Variants in GALNT13 observed in about 807,000 individuals in gnomAD.
GALNT13 encodes the protein UDP-GalNAc:polypeptide N-acetylgalactosaminyltransferase 13.
Under a neutral mutation model 64.2 loss-of-function variants are expected in GALNT13, and 28 were observed. The observed-to-expected ratio is 0.44, with a 90% confidence interval of 0.32 to 0.60. The LOEUF (loss-of-function observed/expected upper bound fraction) is 0.60, where lower values mean the gene tolerates loss of function less well. Among genes scored for constraint, GALNT13 ranks in the 20% least tolerant of loss-of-function variants. The pLI, the probability that GALNT13 is intolerant of heterozygous loss-of-function variation, is 0.05. For missense variants in GALNT13, 577 were observed against 669.8 expected, an observed-to-expected ratio of 0.86 and a Z score of 1.53; for synonymous variants, 214 against 224.6, an observed-to-expected ratio of 0.95 and a Z score of 0.42.
At chr2:153,504,744 A>G in the GALNT13 span, among the ~76,000 whole-genome samples, 1 of 152,146 alleles carries the variant, frequency 6.6e-6, no homozygotes, top group Non-Finnish European at 1.5e-5. Flanking sequence ...CCACTTGATA[A>G]TGATGGATTC....
chr2:154,081,663 A>G (rs760606115), intron 3 of GALNT13, among the ~76,000 whole-genome samples: 4 of 151,742 alleles, frequency 2.6e-5, no homozygotes, highest in Non-Finnish European at 4.4e-5. Flanking sequence ...AGCGCAATAT[A>G]TTCCCCCATA....
the GALNT13 span, among the ~76,000 whole-genome samples, chr2:153,765,438 C>T: frequency 1.0e-3 from 153 of 152,244 alleles, no homozygotes; most frequent in Middle Eastern, 3.4e-3. Flanking sequence ...ACCTGTAGCC[C>T]CTTCATTTTG....
chr2:153,269,287 A>G, the GALNT13 span, among the ~76,000 whole-genome samples: 1 of 152,146 alleles, frequency 6.6e-6, no homozygotes, highest in African/African-American at 2.4e-5. Flanking sequence ...GCTGCTTAGA[A>G]ATTTCTTCCT....
the GALNT13 span, among the ~76,000 whole-genome samples, chr2:153,353,511 A>G: frequency 3.9e-5 from 6 of 152,024 alleles, no homozygotes; most frequent in African/African-American, 1.4e-4. Flanking sequence ...GAGATGACAC[A>G]TGTTTGCCTT....
At chr2:154,429,912 G>A (rs574376913) in intron 11 of GALNT13, among the ~76,000 whole-genome samples, 1 of 152,188 alleles carries the variant, frequency 6.6e-6, no homozygotes, top group African/African-American at 2.4e-5. Context: ...GAACAACAAG[G>A]CCTGGATTAT....
At chr2:153,838,993 C>T in the GALNT13 span, among the ~76,000 whole-genome samples, 1 of 151,404 alleles carries the variant, frequency 6.6e-6, no homozygotes, top group African/African-American at 2.4e-5. Flanking sequence ...TCTTTCATCT[C>T]TTTGGTTACA....
chr2:153,870,473 T>C (rs1030007163), upstream of GALNT13, among the ~76,000 whole-genome samples: 1 of 151,962 alleles, frequency 6.6e-6, no homozygotes, highest in Admixed American at 6.6e-5. Context: ...AGTGACCTGA[T>C]GTTAGGACTG....
chr2:154,117,395 T>C (rs72871823), intron 3 of GALNT13, among the ~76,000 whole-genome samples: 10,925 of 152,250 alleles, frequency 0.072, 470 homozygotes, highest in Middle Eastern at 0.14. Flanking sequence ...TGAACCCAAT[T>C]TGTAGTCTTT....
intron 9 of GALNT13, among the ~76,000 whole-genome samples, chr2:154,381,826 A>G (rs1698288029): frequency 6.6e-6 from 1 of 152,076 alleles, no homozygotes; most frequent in Non-Finnish European, 1.5e-5. Context: ...ATTGTATTGA[A>G]ATTTTTTCCC....
At chr2:153,625,936 C>G in the GALNT13 span, among the ~76,000 whole-genome samples, 1 of 152,132 alleles carries the variant, frequency 6.6e-6, no homozygotes, top group Middle Eastern at 3.4e-3. Context: ...TTGAGTTGTT[C>G]AAAACTGATC....
At chr2:153,582,757 A>C in the GALNT13 span, among the ~76,000 whole-genome samples, 92 of 152,250 alleles carry the variant, frequency 6.0e-4, no homozygotes, top group African/African-American at 1.9e-3. Flanking sequence ...TTGAAATAAA[A>C]ATTAATGGCC....
At chr2:153,352,074 C>T in the GALNT13 span, among the ~76,000 whole-genome samples, 3 of 152,138 alleles carry the variant, frequency 2.0e-5, no homozygotes, top group African/African-American at 7.2e-5. Context: ...GCATTCCTAC[C>T]AGCAAAGAAT....
At position 154,421,412 on chromosome 2, in the gene GALNT13, A is replaced by G. The variant is rs191563053; in HGVS notation, c.1395+12330A>G. 7.0e-4 allele frequency among the ~76,000 whole-genome samples: 106 copies of G among 152,158 alleles called. 6 individuals carry two copies. Among genetic ancestry groups the G allele is most frequent in the Admixed American group, 6.8e-3 (104 of 15,260 alleles). On this transcript the variant is annotated intron_variant, in intron 11 of 12. Coordinates refer to ENST00000392825, the MANE Select transcript of GALNT13 (RefSeq NM_052917.4). Reference sequence around the variant, plus strand: ...TTAGATATGTCATTTAAAGTTAACTATATATCCCATATATATTTTGCCTTG... The same window carrying G: ...TTAGATATGTCATTTAAAGTTAACTGTATATCCCATATATATTTTGCCTTG...
In GALNT13 at chr2:154,353,616, A is replaced by G. The variant is rs1039785432; in HGVS notation, c.1157-42375A>G. Among the ~76,000 whole-genome samples the G allele has an allele frequency of 2.0e-5, 3 of 152,194 alleles. No homozygotes were observed. In the East Asian group the frequency reaches 5.8e-4, roughly 29 times the overall value. ...CCTGTTAGCCCTAGATTTTTTCTGC[A>G]AGTTTGACCTTTTTATTTTAATTTC... On this transcript the variant is annotated intron_variant, in intron 9 of 12. Coordinates refer to ENST00000392825, the MANE Select transcript of GALNT13 (RefSeq NM_052917.4).
At chr2:153,518,508 T>C in the GALNT13 span, among the ~76,000 whole-genome samples, 1 of 152,156 alleles carries the variant, frequency 6.6e-6, no homozygotes. Context: ...TCACAAGACA[T>C]GGGCTTGAAT....
the GALNT13 span, among the ~76,000 whole-genome samples, chr2:153,674,508 C>G: frequency 6.6e-6 from 1 of 152,138 alleles, no homozygotes; most frequent in Admixed American, 6.6e-5. Flanking sequence ...ATGTAGAATT[C>G]TGAAATTGGA....
the GALNT13 span, among the ~76,000 whole-genome samples, chr2:153,719,430 T>C: frequency 2.0e-5 from 3 of 152,250 alleles, no homozygotes; most frequent in East Asian, 5.8e-4. Context: ...CAAAGTCCCT[T>C]TGAGAAAAGC....
chr2:154,446,376 T>C, intron 12 of GALNT13: 1 of 412,816 alleles, frequency 2.4e-6, no homozygotes, highest in South Asian at 5.9e-5. Flanking sequence ...CTTATCTTCA[T>C]TTACTCCTTC....
intron 3 of GALNT13, among the ~76,000 whole-genome samples, chr2:153,959,248 T>C (rs968785420): frequency 2.6e-5 from 4 of 152,058 alleles, no homozygotes; most frequent in Non-Finnish European, 5.9e-5. Flanking sequence ...GAGGGTCCCC[T>C]CACCAAATGC....
Sources: gnomAD v4.1 joint callset for allele counts (sites outside exome capture counted in the v4.1 genomes callset) on GRCh38, gnomAD v4.1.1 for gene constraint, MANE v1.5 for transcripts, NCBI Gene and HGNC (gene_info 2026-07-23, HGNC 2026-07-21) for gene names.